The following DNAH7 variants were observed in gnomAD, a reference collection of about 807,000 sequenced individuals.
DNAH7 encodes dynein axonemal heavy chain 7.
Under a neutral mutation model 444.6 loss-of-function variants are expected in DNAH7, and 397 were observed. The observed-to-expected ratio is 0.89, with a 90% CI of 0.82 to 0.97. DNAH7 has a LOEUF of 0.97. Among genes scored for constraint, DNAH7 ranks in the 50% least tolerant of loss-of-function variants. The pLI is 0.00. For missense variants in DNAH7, 4,902 were observed against 4,800.8 expected (o/e 1.02, Z -0.62); for synonymous variants, 1,636 against 1,624.4 (o/e 1.01, Z -0.17).
At position 195,805,254 on chromosome 2, in the gene DNAH7, C is replaced by CT. The variant is rs534484159; in HGVS notation, c.10176+1485dup. Among the ~76,000 whole-genome samples, 528 of 149,224 alleles carry CT rather than the reference C, an allele frequency of 3.5e-3. 2 individuals carry two copies. The highest frequency in any genetic ancestry group is 5.0e-3 in the Admixed American group (74 of 14,908). On this transcript the variant is annotated intron_variant, in intron 54 of 64. Coordinates refer to ENST00000312428, the MANE Select transcript of DNAH7 (RefSeq NM_018897.3). The stretch of plus-strand genomic sequence containing the variant: ...AATTAAACTTAATATAAAACACGAA[C>CT]TTTTTTTTTTAATATTGAGGGAGGA...
chr2:196,034,690 A>C (rs987355941), intron 5 of DNAH7, among the ~76,000 whole-genome samples: 1 of 152,242 alleles, frequency 6.6e-6, no homozygotes, highest in Admixed American at 6.5e-5. Context: ...AAACACATAG[A>C]TCAATGGAAC....
chr2:195,757,459 TTC>T (rs1694134199), intron 61 of DNAH7, among the ~76,000 whole-genome samples: 2 of 152,322 alleles, frequency 1.3e-5, no homozygotes, highest in Admixed American at 1.3e-4. Context: ...TATTATTCAT[TTC>T]TGTCTTTTCT....
At chr2:195,941,395 G>C (rs184713481) in intron 19 of DNAH7, among the ~76,000 whole-genome samples, 1 of 145,840 alleles carries the variant, frequency 6.9e-6, no homozygotes, top group Non-Finnish European at 1.5e-5. Flanking sequence ...AGAGGAGGGA[G>C]AGCATTAGGA....
chr2:196,064,831 G>A (rs1371688947), intron 1 of DNAH7, among the ~76,000 whole-genome samples: 1 of 152,048 alleles, frequency 6.6e-6, no homozygotes, highest in East Asian at 1.9e-4. Flanking sequence ...ATTCTCTAGC[G>A]AATGAACATT....
Position 195,960,550 on chromosome 2 carries a change from T to A in DNAH7, c.2601A>T (p.Pro867=). ...MSAIVGYPLQ[P]SDDSTVSSFL... is the part of the protein sequence containing the mutation. ...AAGAGGAGACTGTGGAGTCATCTGA[T>A]GGCTGCAAAGGGTAACCAACAATGG... The change falls in exon 18 of 65, where the codon CCA becomes CCT. Residue 867 remains proline (P), a synonymous_variant. Transcript: ENST00000312428. 6.2e-7 allele frequency: 1 copy of A among 1,614,238 alleles called. No individual in the cohort carries two copies. The highest frequency in any genetic ancestry group is 1.3e-5 in the African/African-American group (1 of 75,068).
At chr2:195,923,504 T>A in intron 23 of DNAH7, 91 bp downstream of exon 23, 1 of 1,218,204 alleles carries the variant, frequency 8.2e-7, no homozygotes. Flanking sequence ...CTCAGATTAC[T>A]GCTACTATTT....
At chr2:195,942,317 C>T (rs898779167) in intron 19 of DNAH7, among the ~76,000 whole-genome samples, 3 of 151,200 alleles carry the variant, frequency 2.0e-5, no homozygotes, top group East Asian at 1.9e-4. Context: ...CAAACGCCCT[C>T]GGATACAGTG....
intron 15 of DNAH7, among the ~76,000 whole-genome samples, chr2:195,973,863 G>C (rs115032085): frequency 6.6e-6 from 1 of 151,910 alleles, no homozygotes; most frequent in South Asian, 2.1e-4. Context: ...CTAGGCAGGC[G>C]GATCACCTGA....
At chr2:195,793,427 G>A (rs1214540533) in intron 57 of DNAH7, among the ~76,000 whole-genome samples, 1 of 152,154 alleles carries the variant, frequency 6.6e-6, no homozygotes, top group African/African-American at 2.4e-5. Context: ...TGATCTAGAA[G>A]AAAGGGAGGG....
At position 195,910,201 on chromosome 2, in the gene DNAH7, A is replaced by G; in HGVS notation, c.3936-6T>C. On this transcript the variant is annotated splice_polypyrimidine_tract_variant and splice_region_variant and intron_variant, in intron 24 of 64. Coordinates refer to ENST00000312428, the MANE Select transcript of DNAH7 (RefSeq NM_018897.3). ...GAAGGGCTCCAAATAAGGTTCTGAAACATATGAAATAGACATTCTTTGTAG... is the reference window on the plus strand; with the variant it reads ...GAAGGGCTCCAAATAAGGTTCTGAAGCATATGAAATAGACATTCTTTGTAG... 1 of 1,595,944 alleles carries G rather than the reference A, an allele frequency of 6.3e-7. No homozygotes were observed. Among genetic ancestry groups the G allele is most frequent in the Non-Finnish European group, 8.5e-7 (1 of 1,172,382 alleles).
chr2:196,006,139 C>A (rs932672766), intron 10 of DNAH7, among the ~76,000 whole-genome samples: 3 of 152,122 alleles, frequency 2.0e-5, no homozygotes, highest in Non-Finnish European at 2.9e-5. Flanking sequence ...CACAGTGAGA[C>A]CTTGTCTCTA....
At chr2:195,856,100 T>C in intron 44 of DNAH7, 109 bp from the exon 45 acceptor site, 2 of 983,796 alleles carry the variant, frequency 2.0e-6, no homozygotes, top group Non-Finnish European at 2.8e-6. Context: ...AACACTTCTT[T>C]ATGCAAAAAT....
At chr2:196,061,677 A>G (rs1295804077) in intron 1 of DNAH7, among the ~76,000 whole-genome samples, 1 of 152,154 alleles carries the variant, frequency 6.6e-6, no homozygotes, top group African/African-American at 2.4e-5. Flanking sequence ...TGGTCTAAGG[A>G]ACTGGAAAGA....
In DNAH7 at chr2:195,777,906, C is replaced by T. The variant is rs781510286; in HGVS notation, c.10958G>A (p.Arg3653His). 9.9e-6 allele frequency: 16 copies of T among 1,614,020 alleles called. No individual in the cohort carries two copies. The highest frequency in any genetic ancestry group is 4.5e-5 in the East Asian group (2 of 44,894). The change falls in exon 59 of 65, where the codon CGC becomes CAC. Residue 3653 changes from arginine to histidine, a missense_variant. Coordinates refer to ENST00000312428, the MANE Select transcript of DNAH7 (RefSeq NM_018897.3). ...TTTGTTTAGAATGCTGCGCAGCGTGCGCCGGTCCCAGTCATCGGTCACTCT... is the reference window on the plus strand; with the variant it reads ...TTTGTTTAGAATGCTGCGCAGCGTGTGCCGGTCCCAGTCATCGGTCACTCT... ...GGRVTDDWDR[R>H]TLRSILNKFF...
chr2:195,988,724 T>C (rs545825288), intron 12 of DNAH7, among the ~76,000 whole-genome samples: 1 of 152,224 alleles, frequency 6.6e-6, no homozygotes, highest in South Asian at 2.1e-4. Flanking sequence ...TTTTGAGATA[T>C]ATAATGCATT....
intron 64 of DNAH7, 151 bp downstream of exon 64, chr2:195,740,615 G>GTGTA (rs1254122900): frequency 1.4e-5 from 1 of 70,950 alleles, no homozygotes; most frequent in African/African-American, 5.5e-5. Flanking sequence ...GTGTGTGTGT[G>GTGTA]TATATATATA....
chr2:195,838,047 G>A (rs762433275), intron 47 of DNAH7, among the ~76,000 whole-genome samples: 2 of 152,118 alleles, frequency 1.3e-5, no homozygotes, highest in African/African-American at 2.4e-5. Flanking sequence ...TTCTAAAGAA[G>A]CATATCAGAG....
intron 19 of DNAH7, among the ~76,000 whole-genome samples, chr2:195,955,957 T>A (rs889875572): frequency 6.6e-6 from 1 of 152,168 alleles, no homozygotes; most frequent in Admixed American, 6.5e-5. Flanking sequence ...TAATAGGTTC[T>A]TTAAATATGG....
At chr2:195,858,200 CA>C (rs1415196854) in intron 43 of DNAH7, among the ~76,000 whole-genome samples, 1 of 152,148 alleles carries the variant, frequency 6.6e-6, no homozygotes, top group Non-Finnish European at 1.5e-5. Context: ...TTGATTACTG[CA>C]GTGCAAAGAT....
Sources: gnomAD v4.1 joint callset for allele counts (sites outside exome capture counted in the v4.1 genomes callset) on GRCh38, gnomAD v4.1.1 for gene constraint, MANE v1.5 for transcripts, NCBI Gene and HGNC (gene_info 2026-07-23, HGNC 2026-07-21) for gene names.